PTPRD: variants seen among roughly 807,000 people sequenced by gnomAD.
The protein encoded by PTPRD is receptor-type tyrosine-protein phosphatase delta.
PTPRD carries 34 observed loss-of-function variants against 214.5 expected under a neutral mutation model. That is an observed-to-expected ratio of 0.16 (90% CI 0.12 to 0.21). The LOEUF is 0.21. Among genes scored for constraint, PTPRD ranks in the 10% least tolerant of loss-of-function variants. The pLI is 1.00. For synonymous variants in PTPRD, 1,128 were observed against 845.7 expected, an observed-to-expected ratio of 1.33 and a Z score of -5.79; for missense variants, 2,545 against 2,398.7, an observed-to-expected ratio of 1.06 and a Z score of -1.27.
chr9:10,079,406 G>A (rs751068238), intron 3 of PTPRD, among the ~76,000 whole-genome samples: 18 of 152,054 alleles, frequency 1.2e-4, no homozygotes, highest in Non-Finnish European at 2.5e-4. Flanking sequence ...AAATCCCGAG[G>A]CCACCCCTGG....
At chr9:9,482,894 T>C (rs1301067456) in intron 8 of PTPRD, among the ~76,000 whole-genome samples, 1 of 152,138 alleles carries the variant, frequency 6.6e-6, no homozygotes, top group African/African-American at 2.4e-5. Flanking sequence ...CAAGGAAGTT[T>C]AACTCAAATG....
At chr9:10,519,638 A>G (rs916861739) in intron 2 of PTPRD, among the ~76,000 whole-genome samples, 1 of 152,096 alleles carries the variant, frequency 6.6e-6, no homozygotes, top group African/African-American at 2.4e-5. Flanking sequence ...GTCTGTATTG[A>G]GCAAGTCCAT....
At chr9:10,235,433 A>G (rs139290543) in intron 3 of PTPRD, among the ~76,000 whole-genome samples, 45 of 152,108 alleles carry the variant, frequency 3.0e-4, no homozygotes, top group African/African-American at 1.0e-3. Flanking sequence ...TAAAGAGTAT[A>G]GCTAGCTGCT....
intron 3 of PTPRD, among the ~76,000 whole-genome samples, chr9:10,186,238 A>G (rs1249702360): frequency 6.6e-6 from 1 of 152,118 alleles, no homozygotes; most frequent in African/African-American, 2.4e-5. Flanking sequence ...TTATTCTCCC[A>G]CAGTTGACCT....
At chr9:9,512,008 A>C (rs750931915) in intron 8 of PTPRD, among the ~76,000 whole-genome samples, 33 of 151,860 alleles carry the variant, frequency 2.2e-4, no homozygotes, top group South Asian at 4.1e-4. Flanking sequence ...ACAGAAAAAA[A>C]TCCCATCTAG....
intron 14 of PTPRD, among the ~76,000 whole-genome samples, chr9:8,601,039 C>G (rs1474285791): frequency 6.6e-6 from 1 of 152,038 alleles, no homozygotes; most frequent in African/African-American, 2.4e-5. Flanking sequence ...AGGGTGAGTC[C>G]CAGTCCTGGC....
intron 2 of PTPRD, among the ~76,000 whole-genome samples, chr9:10,403,212 TTG>T (rs1475181851): frequency 2.6e-5 from 2 of 76,572 alleles, no homozygotes; most frequent in South Asian, 3.5e-4. Flanking sequence ...TTTCTGTTAT[TTG>T]TGTGTGTGTG....
intron 7 of PTPRD, among the ~76,000 whole-genome samples, chr9:9,605,992 T>A (rs1341077145): frequency 6.6e-6 from 1 of 152,012 alleles, no homozygotes; most frequent in Non-Finnish European, 1.5e-5. Flanking sequence ...AAGGAATCTG[T>A]TATTATATTA....
chr9:9,494,305 G>T (rs1009568032), intron 8 of PTPRD, among the ~76,000 whole-genome samples: 1 of 152,218 alleles, frequency 6.6e-6, no homozygotes, highest in African/African-American at 2.4e-5. Flanking sequence ...TGAGAAAACT[G>T]ACTCCAATTT....
intron 7 of PTPRD, among the ~76,000 whole-genome samples, chr9:9,659,439 A>T (rs935908804): frequency 2.0e-5 from 3 of 152,020 alleles, no homozygotes; most frequent in Non-Finnish European, 2.9e-5. Context: ...GTTGCTTATT[A>T]TACTGGGGGC....
chr9:9,112,952 G>T (rs1348216401), intron 10 of PTPRD, among the ~76,000 whole-genome samples: 2 of 151,004 alleles, frequency 1.3e-5, no homozygotes, highest in African/African-American at 4.9e-5. Context: ...TTAGAAATCT[G>T]AGCTCCTATT....
At chr9:9,219,257 G>C (rs1263253871) in intron 9 of PTPRD, among the ~76,000 whole-genome samples, 8 of 151,974 alleles carry the variant, frequency 5.3e-5, no homozygotes, top group Admixed American at 5.2e-4. Flanking sequence ...GAAATACAAG[G>C]TCTCTAGATG....
At chr9:10,448,357 T>A (rs990606285) in intron 2 of PTPRD, among the ~76,000 whole-genome samples, 1 of 151,958 alleles carries the variant, frequency 6.6e-6, no homozygotes, top group African/African-American at 2.4e-5. Flanking sequence ...TGCTTTTGAG[T>A]GTTTCTGAAC....
At chr9:8,337,977 G>GTT (rs1816230671) in intron 43 of PTPRD, among the ~76,000 whole-genome samples, 1 of 151,828 alleles carries the variant, frequency 6.6e-6, no homozygotes, top group Admixed American at 6.6e-5. Context: ...TAACTTTCTG[G>GTT]GATTAACAGG....
chr9:10,090,755 G>C (rs962729355), intron 3 of PTPRD, among the ~76,000 whole-genome samples: 8 of 145,438 alleles, frequency 5.5e-5, no homozygotes, highest in African/African-American at 1.8e-4. Flanking sequence ...TGTTAACTCA[G>C]AAATAGAATA....
chr9:10,194,333 T>C (rs2099387461), intron 3 of PTPRD, among the ~76,000 whole-genome samples: 1 of 63,362 alleles, frequency 1.6e-5, no homozygotes, highest in Non-Finnish European at 3.1e-5. Flanking sequence ...TATATATATA[T>C]ATATATATAT....
intron 43 of PTPRD, 104 bp from the exon 44 acceptor site, chr9:8,331,840 A>AAGGGTAGAAAAAGTTAG (rs1415144193): frequency 2.9e-6 from 4 of 1,381,374 alleles, no homozygotes; most frequent in Non-Finnish European, 3.8e-6. Context: ...CGAAAACAAA[A>AAGGGTAGAAAAAGTTAG]AGGGTAGAAA....
chr9:8,980,303 G>C (rs1161690944), intron 11 of PTPRD, among the ~76,000 whole-genome samples: 1 of 151,966 alleles, frequency 6.6e-6, no homozygotes, highest in East Asian at 1.9e-4. Context: ...AACAAGTTTA[G>C]AGATTTAATT....
chr9:8,873,764 G>A (rs1009582142), intron 11 of PTPRD, among the ~76,000 whole-genome samples: 5 of 152,124 alleles, frequency 3.3e-5, no homozygotes, highest in South Asian at 4.1e-4. Flanking sequence ...TGTCAGGCAC[G>A]TAGGTCTGCA....
Sources: allele counts gnomAD v4.1 joint callset (sites outside exome capture counted in the v4.1 genomes callset), GRCh38; gene constraint gnomAD v4.1.1; transcripts MANE v1.5; gene names NCBI Gene and HGNC (gene_info 2026-07-23, HGNC 2026-07-21).